Variants in RNF111 observed in about 807,000 individuals in gnomAD.
The protein encoded by RNF111 is E3 ubiquitin-protein ligase Arkadia.
Under a neutral mutation model 95.1 loss-of-function variants are expected in RNF111, and 17 were observed. The observed-to-expected ratio is 0.18, with a 90% CI of 0.12 to 0.27. RNF111 has a LOEUF of 0.27. RNF111 is among the 10% of genes least tolerant of loss of function. RNF111 has a pLI of 1.00. For missense variants in RNF111, 1,189 were observed against 1,210.4 expected (o/e 0.98, Z 0.26); for synonymous variants, 440 against 414.8 (o/e 1.06, Z -0.74).
At chr15:59,064,933 G>C (rs1457176489) in intron 5 of RNF111, among the ~76,000 whole-genome samples, 2 of 151,920 alleles carry the variant, frequency 1.3e-5, no homozygotes, top group Non-Finnish European at 2.9e-5. Flanking sequence ...CCCCTACCCA[G>C]GTTCATTTAT....
chr15:59,074,312 T>G (rs78850439), intron 6 of RNF111, among the ~76,000 whole-genome samples: 1 of 152,234 alleles, frequency 6.6e-6, no homozygotes, highest in Non-Finnish European at 1.5e-5. Context: ...TGACTTCTCT[T>G]TGCTATGAAA....
intron 1 of RNF111, among the ~76,000 whole-genome samples, chr15:58,990,937 A>G (rs2038787669): frequency 6.6e-6 from 1 of 152,128 alleles, no homozygotes; most frequent in Non-Finnish European, 1.5e-5. Flanking sequence ...CAGCTGGCCC[A>G]GGTTTCTACA....
chr15:59,049,193 G>C (rs1036528210), intron 2 of RNF111, among the ~76,000 whole-genome samples: 1 of 151,910 alleles, frequency 6.6e-6, no homozygotes, highest in Admixed American at 6.6e-5. Context: ...CTTTCTCCTC[G>C]CTCTGACCCT....
In RNF111 at chr15:59,030,806, T is replaced by C. The variant is rs1467520326; in HGVS notation, c.-17T>C. The C allele has an allele frequency of 1.3e-6, 2 of 1,551,052 alleles. No homozygotes were observed. Among genetic ancestry groups the C allele is most frequent in the Admixed American group, 2.0e-5 (1 of 49,152 alleles). The stretch of plus-strand genomic sequence containing the variant: ...AAATATCTAATTTTGTCTTCTAGGC[T>C]TTCCTTAAAGTTTCCCATGTCTCAA... On this transcript the variant is annotated splice_region_variant and 5_prime_UTR_variant, in exon 2 of 14. Coordinates refer to ENST00000348370, the MANE Select transcript of RNF111 (RefSeq NM_017610.8).
At position 59,089,770 on chromosome 15, in the gene RNF111, A is replaced by G; in HGVS notation, c.2643+11A>G. ...AGGGGCAATTTTGAGGTATGTAATA[A>G]AATAAATGAATATGTTTGTCACAGT... is the stretch of plus-strand genomic sequence containing the variant. On this transcript the variant is annotated intron_variant, in intron 11 of 13. Coordinates refer to ENST00000348370, the MANE Select transcript of RNF111 (RefSeq NM_017610.8). The G allele has an allele frequency of 1.9e-6, 3 of 1,544,164 alleles. No homozygotes were observed. Among genetic ancestry groups the G allele is most frequent in the South Asian group, 1.1e-5 (1 of 89,632 alleles).
At chr15:59,045,908 GT>G (rs1399519792) in intron 2 of RNF111, among the ~76,000 whole-genome samples, 2 of 152,124 alleles carry the variant, frequency 1.3e-5, no homozygotes, top group Non-Finnish European at 1.5e-5. Context: ...GGGTGCTACT[GT>G]TTTGTTGTTT....
chr15:59,080,474 G>C (rs917121183), intron 7 of RNF111, among the ~76,000 whole-genome samples: 5 of 152,008 alleles, frequency 3.3e-5, no homozygotes, highest in African/African-American at 1.2e-4. Context: ...TTTGGAAAGG[G>C]TATTTTTATT....
In RNF111 at chr15:59,067,100, T is replaced by G; in HGVS notation, c.1686+17T>G. ...CATGAACAGGTATGTGGAATTTGAG[T>G]CAGTCTTTCTTTCCTGCCCCTCTTG... On this transcript the variant is annotated intron_variant, in intron 6 of 13. Transcript: ENST00000348370. The G allele has an allele frequency of 6.2e-7, 1 of 1,600,198 alleles. No homozygotes were observed.
At chr15:59,043,578 A>C (rs1178638843) in intron 2 of RNF111, among the ~76,000 whole-genome samples, 1 of 152,218 alleles carries the variant, frequency 6.6e-6, no homozygotes, top group African/African-American at 2.4e-5. Context: ...TCCTGTAGGT[A>C]GGTAGAGGTC....
chr15:58,991,192 C>G (rs1414591540), intron 1 of RNF111, among the ~76,000 whole-genome samples: 3 of 151,716 alleles, frequency 2.0e-5, no homozygotes, highest in Non-Finnish European at 4.4e-5. Flanking sequence ...CCTGGCTGCT[C>G]AAGAGGGTAA....
intron 1 of RNF111, among the ~76,000 whole-genome samples, chr15:59,013,938 G>A (rs920762645): frequency 2.6e-5 from 4 of 151,852 alleles, no homozygotes; most frequent in Admixed American, 6.6e-5. Context: ...ACAGGCACAC[G>A]CCACCACGCC....
chr15:59,038,656 A>G (rs2041299397), intron 2 of RNF111, among the ~76,000 whole-genome samples: 1 of 152,166 alleles, frequency 6.6e-6, no homozygotes, highest in South Asian at 2.1e-4. Flanking sequence ...TTTCACAAAA[A>G]TTGTAGACAT....
chr15:58,989,896 A>G (rs889732953), intron 1 of RNF111, among the ~76,000 whole-genome samples: 4 of 151,930 alleles, frequency 2.6e-5, no homozygotes, highest in South Asian at 2.1e-4. Flanking sequence ...GTTATAGTTT[A>G]AAGAGAGGTT....
chr15:59,027,212 C>A (rs1029122382), intron 1 of RNF111, among the ~76,000 whole-genome samples: 2 of 152,062 alleles, frequency 1.3e-5, no homozygotes, highest in South Asian at 4.1e-4. Flanking sequence ...AATCTTCAGC[C>A]CATAAAGACT....
intron 7 of RNF111, among the ~76,000 whole-genome samples, chr15:59,076,765 A>G (rs2078576684): frequency 6.6e-6 from 1 of 152,234 alleles, no homozygotes; most frequent in Non-Finnish European, 1.5e-5. Context: ...ACAAGAAATG[A>G]TAAATACTCT....
At chr15:59,026,095 T>C (rs2040592564) in intron 1 of RNF111, among the ~76,000 whole-genome samples, 1 of 152,092 alleles carries the variant, frequency 6.6e-6, no homozygotes, top group African/African-American at 2.4e-5. Flanking sequence ...TACATTTTTA[T>C]TTAAAGTTGA....
intron 7 of RNF111, among the ~76,000 whole-genome samples, chr15:59,079,063 G>A (rs1297186735): frequency 6.6e-6 from 1 of 152,106 alleles, no homozygotes; most frequent in Non-Finnish European, 1.5e-5. Flanking sequence ...CACAAATAGA[G>A]GAAGGGAAAG....
chr15:59,086,681 A>G lies in RNF111; in HGVS notation c.2550+896A>G, dbSNP rs1408102098. ...CTGGATTATGGAATGGTGCTCTTGC[A>G]GAGGTTACAGCATGTAAAGATGTAG... On this transcript the variant is annotated intron_variant, in intron 10 of 13. Transcript: ENST00000348370. Among the ~76,000 whole-genome samples, 12 of 152,324 alleles carry G rather than the reference A, an allele frequency of 7.9e-5. No individual in the cohort carries two copies. The East Asian group carries it at 2.3e-3, about 29-fold the overall frequency.
chr15:59,080,959 C>T lies in RNF111; in HGVS notation c.1972C>T (p.His658Tyr). 1 of 1,612,674 alleles carries T rather than the reference C, an allele frequency of 6.2e-7. No homozygotes were observed. The highest frequency in any genetic ancestry group is 8.5e-7 in the Non-Finnish European group (1 of 1,179,184). The change falls in exon 8 of 14, where the codon CAT becomes TAT. Residue 658 changes from histidine to tyrosine, a missense_variant. This residue lies in a region of RNF111 where 1,024 missense variants were observed against 925.9 expected (regional missense o/e 1.11). Coordinates refer to ENST00000348370, the MANE Select transcript of RNF111 (RefSeq NM_017610.8). ...AGATGCCTCTTTGACAAGGCCACTT[C>T]ATCATCAAGCTTCTGCCTGCCCGCA... ...PPYASLTRPL[H>Y]HQASACPHSH...
Sources: gnomAD v4.1 joint callset for allele counts (sites outside exome capture counted in the v4.1 genomes callset) on GRCh38, gnomAD v4.1.1 for gene constraint, gnomAD v4.1.1 regional missense constraint, MANE v1.5 for transcripts, NCBI Gene and HGNC (gene_info 2026-07-23, HGNC 2026-07-21) for gene names.